The following TECTA variants were observed in gnomAD, a reference collection of about 807,000 sequenced individuals.
TECTA encodes alpha-tectorin.
Under a neutral mutation model 216.8 loss-of-function variants are expected in TECTA, and 128 were observed. The observed-to-expected ratio is 0.59, with a 90% CI of 0.51 to 0.68. TECTA has a LOEUF of 0.68. Among genes scored for constraint, TECTA ranks in the 30% least tolerant of loss-of-function variants. The pLI, the probability that TECTA is intolerant of heterozygous loss-of-function variation, is 0.00. For synonymous variants in TECTA, 1,089 were observed against 1,117.1 expected (o/e 0.97, Z 0.50); for missense variants, 2,551 against 2,786.2 (o/e 0.92, Z 1.90).
rs1306907655 is a variant in TECTA at position 121,118,703 on chromosome 11, C to T, written c.1188C>T (p.Ser396=). The change falls in exon 7 of 24, where the codon AGC becomes AGT. Residue 396 remains serine (S), a synonymous_variant. Coordinates refer to ENST00000392793, the MANE Select transcript of TECTA (RefSeq NM_005422.4). ...NGYKILIPKG[S]YGRVKVNDLV... ...ACAAGATTCTCATCCCCAAAGGAAG[C>T]TATGGAAGAGTCAAGGTGAGCCCCT... 2 of 1,613,808 alleles carry T rather than the reference C, an allele frequency of 1.2e-6. No homozygotes were observed. Among genetic ancestry groups the T allele is most frequent in the Non-Finnish European group, 1.7e-6 (2 of 1,180,034 alleles).
At position 121,168,040 on chromosome 11, in the gene TECTA, C is replaced by G; in HGVS notation, c.5587-14C>G. On this transcript the variant is annotated splice_polypyrimidine_tract_variant and intron_variant, in intron 18 of 23. Coordinates refer to ENST00000392793, the MANE Select transcript of TECTA (RefSeq NM_005422.4). ...CCCAGATGTAACGATTTCTGACTTC[C>G]CCTTGTTCTGCAGTCCAATGGCACG... is the stretch of plus-strand genomic sequence containing the variant. 4 of 1,614,116 alleles carry G rather than the reference C, an allele frequency of 2.5e-6. No individual in the cohort carries two copies. The South Asian group carries it at 4.4e-5, about 18-fold the overall frequency.
chr11:121,135,125 C>T (rs962204387), intron 10 of TECTA, among the ~76,000 whole-genome samples: 5 of 152,164 alleles, frequency 3.3e-5, no homozygotes, highest in African/African-American at 9.7e-5. Context: ...GTCAGGCCGC[C>T]GAGCACTAAG....
At chr11:121,150,172 G>A (rs1444754744) in intron 12 of TECTA, among the ~76,000 whole-genome samples, 1 of 152,112 alleles carries the variant, frequency 6.6e-6, no homozygotes. Flanking sequence ...ACCAACCAAC[G>A]GAAAGAAGAG....
chr11:121,119,012 C>T (rs651963), intron 7 of TECTA, among the ~76,000 whole-genome samples: 1 of 87,604 alleles, frequency 1.1e-5, no homozygotes, highest in African/African-American at 2.8e-5. Flanking sequence ...CACACACACA[C>T]ACACACACAC....
chr11:121,120,815 G>A (rs1198084874), intron 7 of TECTA, among the ~76,000 whole-genome samples: 1 of 152,230 alleles, frequency 6.6e-6, no homozygotes, highest in Non-Finnish European at 1.5e-5. Flanking sequence ...GTAGTTTAGG[G>A]TGCTCCAGTG....
chr11:121,150,726 A>G (rs1591455377), intron 12 of TECTA, among the ~76,000 whole-genome samples: 1 of 148,876 alleles, frequency 6.7e-6, no homozygotes, highest in East Asian at 2.0e-4. Flanking sequence ...GCTCACTGCA[A>G]CCACCGCCTC....
intron 11 of TECTA, among the ~76,000 whole-genome samples, chr11:121,140,752 C>T (rs1565527936): frequency 6.6e-6 from 1 of 152,134 alleles, no homozygotes; most frequent in Non-Finnish European, 1.5e-5. Flanking sequence ...TCCGCCTTTA[C>T]ATGGCCTCTT....
chr11:121,119,226 CA>C (rs1384826506), intron 7 of TECTA, among the ~76,000 whole-genome samples: 1 of 152,162 alleles, frequency 6.6e-6, no homozygotes, highest in African/African-American at 2.4e-5. Context: ...GCTTCATTTT[CA>C]GAGAAACCTC....
intron 7 of TECTA, among the ~76,000 whole-genome samples, chr11:121,119,777 A>G (rs567005009): frequency 1.4e-4 from 22 of 152,240 alleles, no homozygotes; most frequent in African/African-American, 5.3e-4. Context: ...AACTAATTCC[A>G]CTCTTTCTGG....
At position 121,145,787 on chromosome 11, in the gene TECTA, T is replaced by C. The variant is rs774513201; in HGVS notation, c.3776T>C (p.Leu1259Pro). ...DDDLEMPMGL[L>P]ASSVNEFGQS... is the part of the protein sequence containing the mutation. ...GACCTGGAGATGCCCATGGGTCTGCTTGCATCGAGTGTCAATGAGTTTGGG... is the reference window on the plus strand; with the variant it reads ...GACCTGGAGATGCCCATGGGTCTGCCTGCATCGAGTGTCAATGAGTTTGGG... Residue 1259 changes from leucine (L) to proline (P), a missense_variant, in exon 12 of 24, where the codon CTT (leucine) becomes CCT (proline). Coordinates refer to ENST00000392793, the MANE Select transcript of TECTA (RefSeq NM_005422.4). 1 of 1,614,146 alleles carries C rather than the reference T, an allele frequency of 6.2e-7. No individual in the cohort carries two copies. The highest frequency in any genetic ancestry group is 8.5e-7 in the Non-Finnish European group (1 of 1,180,010).
intron 20 of TECTA, among the ~76,000 whole-genome samples, chr11:121,187,393 G>T (rs1251232616): frequency 6.6e-6 from 1 of 152,184 alleles, no homozygotes. Context: ...CTATTTTGAC[G>T]CATGGGAAGT....
Position 121,169,976 on chromosome 11 carries a change from C to T in TECTA, c.5999+1051C>T, listed in dbSNP as rs371719617. Among the ~76,000 whole-genome samples, 133 of 152,264 alleles carry T rather than the reference C, an allele frequency of 8.7e-4. 5 individuals are homozygous for T. In the South Asian group the frequency reaches 0.027, roughly 31 times the overall value. ...AACTTATTCCTTTTATCTAAATGCA[C>T]GTTTGTAGCCATTAACCAACCTCTC... On this transcript the variant is annotated intron_variant, in intron 20 of 23. Transcript: ENST00000392793.
Position 121,191,330 on chromosome 11 carries a change from A to G in TECTA, c.*524A>G, listed in dbSNP as rs2134219213. On this transcript the variant is annotated 3_prime_UTR_variant, in exon 24 of 24. Coordinates refer to ENST00000392793, the MANE Select transcript of TECTA (RefSeq NM_005422.4). ...GCTTCTCCACCCACTGTGTCCTTCAACCTTGCCATGGCAGCTTTGGCCACT... is the reference window on the plus strand; with the variant it reads ...GCTTCTCCACCCACTGTGTCCTTCAGCCTTGCCATGGCAGCTTTGGCCACT... The G allele has an allele frequency of 5.8e-6, 1 of 171,006 alleles. No homozygotes were observed. The highest frequency in any genetic ancestry group is 1.4e-4 in the South Asian group (1 of 7,038). The allele number at this position is 171,006 out of a possible 1,614,324, so 10.6% of individuals were successfully genotyped here. A position where few individuals can be genotyped will look rare whatever the true frequency, so the allele number is the denominator to read the frequency against.
At chr11:121,151,852 G>A (rs1401318615) in intron 12 of TECTA, among the ~76,000 whole-genome samples, 4 of 152,202 alleles carry the variant, frequency 2.6e-5, no homozygotes, top group African/African-American at 9.6e-5. Context: ...TAGGGTAGAA[G>A]TTCCCACATA....
intron 7 of TECTA, among the ~76,000 whole-genome samples, chr11:121,121,152 G>A (rs1446762045): frequency 6.6e-6 from 1 of 152,190 alleles, no homozygotes; most frequent in Non-Finnish European, 1.5e-5. Context: ...AAATGATAAG[G>A]ACCTCCTAAG....
intron 9 of TECTA, 55 bp downstream of exon 9, chr11:121,128,399 A>G: frequency 1.3e-6 from 2 of 1,545,234 alleles, no homozygotes; most frequent in East Asian, 2.3e-5. Flanking sequence ...CAGGAGGAGG[A>G]GCTCGCCATC....
At chr11:121,148,926 C>T (rs1946865087) in intron 12 of TECTA, among the ~76,000 whole-genome samples, 1 of 152,204 alleles carries the variant, frequency 6.6e-6, no homozygotes, top group South Asian at 2.1e-4. Context: ...CTGAGTCTAT[C>T]ATTCTTTCAG....
In TECTA at chr11:121,113,612, C is replaced by G. The variant is rs142838739; in HGVS notation, c.684C>G (p.Pro228=). The change falls in exon 6 of 24, where the codon CCC becomes CCG. Residue 228 remains proline, a synonymous_variant. Transcript: ENST00000392793. This position sits in a 1 kb window ranked among gnomAD's most constrained non-coding sequence, Gnocchi z 4.2. ...TCAGCCTCCCGGGGTCAAGAACCCC[C>G]GAGATCGTGAATATCCAGGAGACCA... The part of the protein sequence containing the change: ...NFFSLPGSRT[P]EIVNIQETTN... 1.0e-4 allele frequency: 168 copies of G among 1,614,004 alleles called. 1 individual carries two copies. In the South Asian group the frequency reaches 1.7e-3, roughly 17 times the overall value.
chr11:121,175,761 C>T (rs909071159), intron 20 of TECTA, among the ~76,000 whole-genome samples: 1 of 152,156 alleles, frequency 6.6e-6, no homozygotes, highest in Non-Finnish European at 1.5e-5. Flanking sequence ...AACTTTCTGT[C>T]TCGTTGATCT....
Sources: gnomAD v4.1 joint callset for allele counts (sites outside exome capture counted in the v4.1 genomes callset) on GRCh38, gnomAD v4.1.1 for gene constraint, Gnocchi (gnomAD v3.1) non-coding constraint, MANE v1.5 for transcripts, NCBI Gene and HGNC (gene_info 2026-07-23, HGNC 2026-07-21) for gene names.